The following CFTR variants were observed in gnomAD, a reference collection of about 807,000 sequenced individuals.
The protein encoded by CFTR is cystic fibrosis transmembrane conductance regulator.
In CFTR, 181 loss-of-function variants were observed where a neutral mutation model predicts 171.6. The observed-to-expected ratio is 1.05, with a 90% CI of 0.93 to 1.19. The LOEUF is 1.19. CFTR is among the 50% of genes most tolerant of loss of function. CFTR has a pLI of 0.00. For missense variants in CFTR, 1,968 were observed against 1,734.7 expected (o/e 1.13, Z -2.39); for synonymous variants, 583 against 608.0 (o/e 0.96, Z 0.60).
At chr7:117,653,423 C>T (rs527542242) in intron 24 of CFTR, among the ~76,000 whole-genome samples, 10 of 152,260 alleles carry the variant, frequency 6.6e-5, no homozygotes, top group Admixed American at 3.9e-4. Context: ...TGAGAGCATA[C>T]TTCCTGGTTC....
chr7:117,578,955 A>G (rs1317064985), intron 11 of CFTR, among the ~76,000 whole-genome samples: 3 of 152,068 alleles, frequency 2.0e-5, no homozygotes, highest in African/African-American at 7.2e-5. Flanking sequence ...TTTCAAAGTC[A>G]TACTTCAACA....
In CFTR at chr7:117,668,217, A is replaced by T. The variant is rs1793418374; in HGVS notation, c.*1109A>T. ...CTGTTTTATAATTTTGTGAAGCAAA[A>T]TTTTTTCTCTAGGAAATATTTATTT... is the stretch of plus-strand genomic sequence containing the variant. On this transcript the variant is annotated 3_prime_UTR_variant, in exon 27 of 27. Coordinates refer to ENST00000003084, the MANE Select transcript of CFTR (RefSeq NM_000492.4). 6.6e-6 allele frequency: 1 copy of T among 152,156 alleles called. No homozygotes were observed. Among genetic ancestry groups the T allele is most frequent in the Non-Finnish European group, 1.5e-5 (1 of 68,028 alleles). The allele number at this position is 152,156 out of a possible 1,614,324, so 9.4% of individuals were successfully genotyped here. A position where few individuals can be genotyped will look rare whatever the true frequency, so the allele number is the denominator to read the frequency against.
At chr7:117,629,952 A>G (rs1460633302) in intron 22 of CFTR, among the ~76,000 whole-genome samples, 1 of 152,228 alleles carries the variant, frequency 6.6e-6, no homozygotes, top group Non-Finnish European at 1.5e-5. Context: ...GGAAGCAGGG[A>G]TCTTAAACCC....
intron 9 of CFTR, among the ~76,000 whole-genome samples, chr7:117,543,595 A>G (rs1430675372): frequency 6.6e-6 from 1 of 152,196 alleles, no homozygotes; most frequent in African/African-American, 2.4e-5. Context: ...CATTTCACCA[A>G]TAATAAAATG....
intron 3 of CFTR, among the ~76,000 whole-genome samples, chr7:117,529,513 TAA>T (rs61443875): frequency 0.097 from 11,597 of 119,880 alleles, 1,526 homozygotes; most frequent in African/African-American, 0.29. Context: ...ACTTAGAGTA[TAA>T]AAAAAAAAAA....
At chr7:117,561,050 A>G (rs1006722147) in intron 11 of CFTR, among the ~76,000 whole-genome samples, 7 of 152,116 alleles carry the variant, frequency 4.6e-5, no homozygotes, top group Admixed American at 2.6e-4. Context: ...TTAAAAGTAT[A>G]TTTAGCCAAA....
chr7:117,545,982 C>T (rs1282598512), intron 9 of CFTR, among the ~76,000 whole-genome samples: 2 of 131,994 alleles, frequency 1.5e-5, no homozygotes, highest in African/African-American at 2.8e-5. Flanking sequence ...CCATGCCTAG[C>T]TAATTTTATT....
At position 117,533,661 on chromosome 7, in the gene CFTR, ATTAAT is replaced by A. The variant is rs375675786; in HGVS notation, c.490-612_490-608del. On this transcript the variant is annotated intron_variant, in intron 4 of 26. Transcript: ENST00000003084. ...ATGACTCTGGTTTTCCATAATCATA[ATTAAT>A]TTGTCAACTTTATAATTTTAATTAA... Among the ~76,000 whole-genome samples, 24 of 152,268 alleles carry A rather than the reference ATTAAT, an allele frequency of 1.6e-4. No homozygotes were observed. The East Asian group carries it at 3.9e-3, about 24-fold the overall frequency.
intron 3 of CFTR, among the ~76,000 whole-genome samples, chr7:117,521,690 A>G (rs1798688662): frequency 6.6e-6 from 1 of 152,180 alleles, no homozygotes; most frequent in South Asian, 2.1e-4. Context: ...CACACAATAG[A>G]AAACAGTGTA....
chr7:117,534,340 C>A lies in CFTR; in HGVS notation c.554C>A (p.Ser185Tyr), dbSNP rs1798913314. 2.5e-6 allele frequency: 4 copies of A among 1,595,640 alleles called. No homozygotes were observed. The highest frequency in any genetic ancestry group is 3.4e-6 in the Non-Finnish European group (4 of 1,163,754). Residue 185 changes from serine to tyrosine, a missense_variant, in exon 5 of 27, where the codon TCC becomes TAC. Physicochemically the swap from Ser to Tyr is moderately radical, Grantham distance 144. Coordinates refer to ENST00000003084, the MANE Select transcript of CFTR (RefSeq NM_000492.4). ...ATTGGACAACTTGTTAGTCTCCTTT[C>A]CAACAACCTGAACAAATTTGATGAA... The part of the protein sequence containing the change: ...ISIGQLVSLL[S>Y]NNLNKFDEGL...
chr7:117,540,312 G>A lies in CFTR; in HGVS notation c.1082G>A (p.Trp361Ter). Residue 361 changes from tryptophan to a stop codon, truncating the protein, a stop_gained, in exon 8 of 27, where the codon TGG becomes TAG. Coordinates refer to ENST00000003084, the MANE Select transcript of CFTR (RefSeq NM_000492.4). LOFTEE classifies it high-confidence loss of function. ...TRQFPWAVQT[W>*]YDSLGAINKI... is the part of the protein sequence containing the mutation. ...CAATTTCCCTGGGCTGTACAAACAT[G>A]GTATGACTCTCTTGGAGCAATAAAC... is the stretch of plus-strand genomic sequence containing the variant. 2 of 1,613,754 alleles carry A rather than the reference G, an allele frequency of 1.2e-6. No individual in the cohort carries two copies. The highest frequency in any genetic ancestry group is 1.7e-6 in the Non-Finnish European group (2 of 1,179,756).
At chr7:117,603,417 C>T in intron 16 of CFTR, 115 bp from the exon 17 acceptor site, 2 of 1,173,268 alleles carry the variant, frequency 1.7e-6, no homozygotes, top group South Asian at 2.6e-5. Context: ...GGTGCATGCT[C>T]TTCTAATGCA....
chr7:117,631,462 T>C lies in CFTR; in HGVS notation c.3717+3692T>C, dbSNP rs1174646685. ...AAAGGCTGGTTGTCAGGGGGATGGG[T>C]TGAAACTTTCATCTTCCCCCCTTGA... On this transcript the variant is annotated intron_variant, in intron 22 of 26. Coordinates refer to ENST00000003084, the MANE Select transcript of CFTR (RefSeq NM_000492.4). 5.3e-5 allele frequency among the ~76,000 whole-genome samples: 8 copies of C among 152,210 alleles called. No individual in the cohort carries two copies. The East Asian group carries it at 1.4e-3, about 26-fold the overall frequency.
intron 3 of CFTR, among the ~76,000 whole-genome samples, chr7:117,509,952 G>A (rs535671623): frequency 1.3e-5 from 2 of 152,096 alleles, no homozygotes; most frequent in Admixed American, 6.6e-5. Context: ...TATGCCTCAG[G>A]GAGTTAAACA....
intron 5 of CFTR, among the ~76,000 whole-genome samples, 161 bp from the exon 6 acceptor site, chr7:117,535,087 A>G (rs1425460818): frequency 6.6e-6 from 1 of 152,192 alleles, no homozygotes; most frequent in Non-Finnish European, 1.5e-5. Context: ...GCACATTGCT[A>G]TGTGCTCCAT....
At chr7:117,520,983 T>C (rs1386154095) in intron 3 of CFTR, among the ~76,000 whole-genome samples, 1 of 151,956 alleles carries the variant, frequency 6.6e-6, no homozygotes, top group East Asian at 1.9e-4. Flanking sequence ...AAGTTCTTCA[T>C]TTTAGAAAGT....
chr7:117,626,398 G>A (rs1792650245), intron 21 of CFTR, among the ~76,000 whole-genome samples: 1 of 152,004 alleles, frequency 6.6e-6, no homozygotes, highest in African/African-American at 2.4e-5. Context: ...AATAATTTTT[G>A]AAGTCTAAAC....
chr7:117,660,379 C>A (rs1231890136), intron 24 of CFTR, among the ~76,000 whole-genome samples: 1 of 152,012 alleles, frequency 6.6e-6, no homozygotes, highest in Non-Finnish European at 1.5e-5. Flanking sequence ...CACTTGTAAT[C>A]CTAGCACTTT....
chr7:117,643,748 G>C (rs574617930), intron 23 of CFTR, among the ~76,000 whole-genome samples: 1 of 152,308 alleles, frequency 6.6e-6, no homozygotes, highest in South Asian at 2.1e-4. Flanking sequence ...AGAACTGGTT[G>C]ATAGAGAAGT....
Sources: gnomAD v4.1 joint callset for allele counts (sites outside exome capture counted in the v4.1 genomes callset) on GRCh38, gnomAD v4.1.1 for gene constraint, MANE v1.5 for transcripts, NCBI Gene and HGNC (gene_info 2026-07-23, HGNC 2026-07-21) for gene names.